Variants in CFHR5 observed in about 807,000 individuals in gnomAD.
CFHR5 encodes complement factor H related 5, also known as complement factor H-related protein 5.
CFHR5 carries 73 observed loss-of-function variants against 62.9 expected under a neutral mutation model. The ratio of observed to expected loss-of-function variants is 1.16; its 90% CI spans 0.96 to 1.41. The LOEUF is 1.41. Among genes scored for constraint, CFHR5 ranks in the 40% most tolerant of loss-of-function variants. The pLI is 0.00. For missense variants in CFHR5, 779 were observed against 679.9 expected (o/e 1.15, Z -1.62); for synonymous variants, 249 against 227.2 (o/e 1.10, Z -0.86).
rs371011377 is a variant in CFHR5, at chr1:196,983,822, C to T, written c.254-139C>T. The T allele has an allele frequency of 1.1e-3, 647 of 590,396 alleles. 2 individuals are homozygous for T. The African/African-American group carries it at 0.011, about 10-fold the overall frequency. The allele number at this position is 590,396 out of a possible 1,614,324, so 36.6% of individuals were successfully genotyped here. ...CAAAAAATATATTTCATCATTTATA[C>T]GGTAGCATGACCCAAATTCTTTTGA... On this transcript the variant is annotated intron_variant, in intron 2 of 9. Coordinates refer to ENST00000256785, the MANE Select transcript of CFHR5 (RefSeq NM_030787.4).
chr1:196,995,135 G>A (rs1653955864), intron 4 of CFHR5, among the ~76,000 whole-genome samples: 1 of 151,938 alleles, frequency 6.6e-6, no homozygotes, highest in African/African-American at 2.4e-5. Flanking sequence ...TCACATATTT[G>A]ATAACTATTT....
intron 3 of CFHR5, among the ~76,000 whole-genome samples, chr1:196,993,195 C>G (rs1230300618): frequency 6.6e-6 from 1 of 151,976 alleles, no homozygotes; most frequent in Non-Finnish European, 1.5e-5. Context: ...TTTTAAAAGT[C>G]TTTGATATTT....
Position 197,004,748 on chromosome 1 carries a change from C to A in CFHR5, c.1418C>A (p.Thr473Lys). The change falls in exon 9 of 10, where the codon ACA (threonine) becomes AAA (lysine). Residue 473 changes from threonine (T) to lysine (K), a missense_variant. Coordinates refer to ENST00000256785, the MANE Select transcript of CFHR5 (RefSeq NM_030787.4). ...FPLSVYPPGS[T>K]VTYRCQSFYK... ...TTATCAGTATATCCTCCAGGGTCAA[C>A]AGTGACGTACCGTTGCCAGTCCTTC... The A allele has an allele frequency of 6.2e-7, 1 of 1,613,080 alleles. No homozygotes were observed. Among genetic ancestry groups the A allele is most frequent in the South Asian group, 1.1e-5 (1 of 91,066 alleles).
chr1:196,986,894 T>A (rs1022603247), intron 3 of CFHR5, among the ~76,000 whole-genome samples: 1 of 152,176 alleles, frequency 6.6e-6, no homozygotes, highest in South Asian at 2.1e-4. Flanking sequence ...AGTAATGAGA[T>A]CACTGGGTCA....
chr1:196,997,548 G>A lies in CFHR5; in HGVS notation c.971-580G>A, dbSNP rs188812625. On this transcript the variant is annotated intron_variant, in intron 6 of 9. Coordinates refer to ENST00000256785, the MANE Select transcript of CFHR5 (RefSeq NM_030787.4). ...GTAACAATGAGAACTACTTAGACAA[G>A]CAAGAGGCTTAGTAGGAATTTATGT... Among the ~76,000 whole-genome samples the A allele has an allele frequency of 7.9e-5, 12 of 152,172 alleles. 1 individual carries two copies. Among genetic ancestry groups the A allele is most frequent in the African/African-American group, 2.6e-4 (11 of 41,518 alleles).
intron 3 of CFHR5, among the ~76,000 whole-genome samples, chr1:196,989,201 G>C (rs942260173): frequency 2.6e-5 from 4 of 152,062 alleles, no homozygotes; most frequent in African/African-American, 9.7e-5. Context: ...TATTTCTGTG[G>C]GATCGGTGGT....
chr1:196,989,113 G>A (rs1020885675), intron 3 of CFHR5, among the ~76,000 whole-genome samples: 7 of 152,032 alleles, frequency 4.6e-5, no homozygotes, highest in Admixed American at 2.0e-4. Flanking sequence ...TGTATGTGTC[G>A]AGGAATTTAT....
At chr1:196,989,541 A>G (rs975851905) in intron 3 of CFHR5, among the ~76,000 whole-genome samples, 1 of 152,090 alleles carries the variant, frequency 6.6e-6, no homozygotes, top group Non-Finnish European at 1.5e-5. Context: ...ACTGCTTTAA[A>G]TGTGTCCCAG....
At chr1:196,993,684 T>C (rs530861676) in intron 3 of CFHR5, among the ~76,000 whole-genome samples, 1 of 151,854 alleles carries the variant, frequency 6.6e-6, no homozygotes, top group Admixed American at 6.5e-5. Context: ...TTGAAGGAAT[T>C]TTTTGTGATT....
upstream of CFHR5, among the ~76,000 whole-genome samples, chr1:196,975,277 A>C (rs116328097): frequency 9.3e-3 from 1,421 of 152,334 alleles, 25 homozygotes; most frequent in African/African-American, 0.031. Context: ...TGTAGATAAC[A>C]TTGGAGTCAT....
At chr1:196,978,687 T>C (rs1456689163) in intron 1 of CFHR5, among the ~76,000 whole-genome samples, 2 of 152,192 alleles carry the variant, frequency 1.3e-5, no homozygotes, top group Non-Finnish European at 2.9e-5. Flanking sequence ...TTATTTTGTT[T>C]TCACTTTTAG....
rs371268056 is a variant in CFHR5 at position 197,004,645 on chromosome 1, A to G, written c.1331-16A>G. 3 of 1,604,216 alleles carry G rather than the reference A, an allele frequency of 1.9e-6. No homozygotes were observed. Among genetic ancestry groups the G allele is most frequent in the Non-Finnish European group, 2.6e-6 (3 of 1,171,202 alleles). ...AAACTAACATAATGTCTCAACAAAT[A>G]AATGCTGTTTTCCAGAGTCTACTGC... On this transcript the variant is annotated splice_polypyrimidine_tract_variant and intron_variant, in intron 8 of 9. Transcript: ENST00000256785.
intron 3 of CFHR5, among the ~76,000 whole-genome samples, chr1:196,991,837 G>A (rs771568509): frequency 6.6e-6 from 1 of 152,142 alleles, no homozygotes; most frequent in East Asian, 1.9e-4. Flanking sequence ...TAGGCTACAC[G>A]TGGGACGGGG....
At chr1:196,976,643 A>C (rs1294432802), upstream of CFHR5, among the ~76,000 whole-genome samples, 3 of 152,074 alleles carry the variant, frequency 2.0e-5, no homozygotes, top group Non-Finnish European at 4.4e-5. Context: ...GGTTACTTTT[A>C]AATTTTTATC....
chr1:197,007,214 T>C (rs1209621870), intron 9 of CFHR5, among the ~76,000 whole-genome samples: 1 of 150,840 alleles, frequency 6.6e-6, no homozygotes, highest in Non-Finnish European at 1.5e-5. Flanking sequence ...TATGGGGAAA[T>C]TGTTTAAGGC....
chr1:196,993,224 C>T (rs139585403), intron 3 of CFHR5, among the ~76,000 whole-genome samples: 2,056 of 152,254 alleles, frequency 0.014, 46 homozygotes, highest in African/African-American at 0.045. Context: ...TTTTGTAAAA[C>T]TGGGAATAAT....
intron 7 of CFHR5, among the ~76,000 whole-genome samples, chr1:196,999,076 C>A (rs1423442691): frequency 6.6e-6 from 1 of 151,820 alleles, no homozygotes; most frequent in Non-Finnish European, 1.5e-5. Flanking sequence ...GGAGTTTACA[C>A]ACAAGGTCAT....
intron 4 of CFHR5, among the ~76,000 whole-genome samples, chr1:196,994,714 A>G (rs758421089): frequency 2.6e-5 from 4 of 152,190 alleles, no homozygotes; most frequent in Non-Finnish European, 5.9e-5. Context: ...TGAAGTATGT[A>G]TTAGTCCCTT....
At chr1:197,004,133 T>G (rs1654225067) in intron 8 of CFHR5, among the ~76,000 whole-genome samples, 1 of 152,180 alleles carries the variant, frequency 6.6e-6, no homozygotes, top group Non-Finnish European at 1.5e-5. Flanking sequence ...GTTGTTACTT[T>G]TTTTAGTTTT....
Sources: allele counts gnomAD v4.1 joint callset (sites outside exome capture counted in the v4.1 genomes callset), GRCh38; gene constraint gnomAD v4.1.1; transcripts MANE v1.5; gene names NCBI Gene and HGNC (gene_info 2026-07-23, HGNC 2026-07-21).